Variants in ASAP3 observed in about 807,000 individuals in gnomAD.
ASAP3 encodes the protein arf-GAP with SH3 domain, ANK repeat and PH domain-containing protein 3.
A neutral mutation model predicts 118.2 loss-of-function variants in ASAP3; 85 were observed. The ratio of observed to expected loss-of-function variants is 0.72; its 90% confidence interval spans 0.60 to 0.86. ASAP3 has a LOEUF of 0.86. ASAP3 is among the 40% of genes least tolerant of loss of function. ASAP3 has a pLI of 0.00. For synonymous variants in ASAP3, 432 were observed against 477.4 expected (o/e 0.90, Z 1.24); for missense variants, 1,026 against 1,175.0 (o/e 0.87, Z 1.85).
rs1427117384 is a variant in ASAP3 at position 23,436,799 on chromosome 1, G to C, written c.1476+112C>G. The C allele has an allele frequency of 1.3e-6, 2 of 1,520,250 alleles. No individual in the cohort carries two copies. The highest frequency in any genetic ancestry group is 1.8e-6 in the Non-Finnish European group (2 of 1,125,754). 94.2% of individuals were successfully genotyped at this position (1,520,250 alleles called of 1,614,324 possible). On this transcript the variant is annotated intron_variant, in intron 15 of 24. Coordinates refer to ENST00000336689, the MANE Select transcript of ASAP3 (RefSeq NM_017707.4). The surrounding 1 kb of genome is among the most constrained non-coding windows in gnomAD (Gnocchi z 4.2). ...CCCCTGACCACCCGCTACCTGGCTTGTCCCAGCCCACCTCGGCCAGGTCCC... is the reference window on the plus strand; with the variant it reads ...CCCCTGACCACCCGCTACCTGGCTTCTCCCAGCCCACCTCGGCCAGGTCCC...
At chr1:23,471,105 C>T (rs372011169) in intron 1 of ASAP3, among the ~76,000 whole-genome samples, 5 of 152,360 alleles carry the variant, frequency 3.3e-5, no homozygotes, top group Admixed American at 2.0e-4. Context: ...CCCTGCCCCC[C>T]ACTTGGGCTT....
In ASAP3 at chr1:23,484,009, TC is replaced by T; in HGVS notation, c.124del (p.Glu42ArgfsTer14). 7.7e-7 allele frequency: 1 copy of T among 1,293,148 alleles called. No individual in the cohort carries two copies. The highest frequency in any genetic ancestry group is 9.8e-7 in the Non-Finnish European group (1 of 1,022,472). The allele number at this position is 1,293,148 out of a possible 1,614,324, so 80.1% of individuals were successfully genotyped here. A position where few individuals can be genotyped will look rare whatever the true frequency, so the allele number is the denominator to read the frequency against. ...PRYRGAALAR[E>X]EILEGDQAIL... The stretch of plus-strand genomic sequence containing the variant: ...CTCCCGCCTCGGCCCCCTCACCTCC[TC>T]CCGCGCCAGCGCCGCCCCTCGGTAC... On this transcript the variant is annotated frameshift_variant, in exon 1 of 25. Coordinates refer to ENST00000336689, the MANE Select transcript of ASAP3 (RefSeq NM_017707.4). LOFTEE classifies it high-confidence loss of function.
chr1:23,470,624 T>C (rs1323253314), intron 1 of ASAP3, among the ~76,000 whole-genome samples: 1 of 152,246 alleles, frequency 6.6e-6, no homozygotes, highest in African/African-American at 2.4e-5. Context: ...CTGTATGCTC[T>C]GACATTTATT....
Position 23,429,896 on chromosome 1 carries a change from C to T in ASAP3, c.2672G>A (p.Gly891Glu), listed in dbSNP as rs771244024. 3.7e-6 allele frequency: 6 copies of T among 1,613,816 alleles called. No homozygotes were observed. Among genetic ancestry groups the T allele is most frequent in the African/African-American group, 1.3e-5 (1 of 74,910 alleles). Reference protein sequence around the residue: ...GITEGDGSRTGSLPASSVQLL... With the variant: ...GITEGDGSRTESLPASSVQLL... The stretch of plus-strand genomic sequence containing the variant: ...TTGCACAGAACTTGCTGGGAGACTC[C>T]CAGTCCTTGAGCCATCTCCTTCAGT... Residue 891 changes from glycine (G) to glutamate (E), a missense_variant, in exon 25 of 25, where the codon GGG (glycine) becomes GAG (glutamate). Transcript: ENST00000336689.
chr1:23,467,900 C>T (rs995057759), intron 1 of ASAP3, among the ~76,000 whole-genome samples: 28 of 144,994 alleles, frequency 1.9e-4, no homozygotes, highest in African/African-American at 6.4e-4. Context: ...TGCAGTGAGC[C>T]GAGATCACGC....
Position 23,456,210 on chromosome 1 carries a change from G to A in ASAP3, c.130-16C>T. On this transcript the variant is annotated splice_polypyrimidine_tract_variant and intron_variant, in intron 1 of 24. Coordinates refer to ENST00000336689, the MANE Select transcript of ASAP3 (RefSeq NM_017707.4). Reference sequence around the variant, plus strand: ...CTTCCAAGATCTGGAAGCAAATGTGGACAGAGGTTCAGGGATGCCAAGCTG... The same window carrying A: ...CTTCCAAGATCTGGAAGCAAATGTGAACAGAGGTTCAGGGATGCCAAGCTG... 6.2e-7 allele frequency: 1 copy of A among 1,613,262 alleles called. No individual in the cohort carries two copies. Among genetic ancestry groups the A allele is most frequent in the South Asian group, 1.1e-5 (1 of 90,992 alleles).
intron 20 of ASAP3, 25 bp downstream of exon 20, chr1:23,433,601 G>A: frequency 2.5e-6 from 4 of 1,614,214 alleles, no homozygotes; most frequent in Admixed American, 1.7e-5. Flanking sequence ...AGAGTCAGGG[G>A]CCCCTTGCCT....
At chr1:23,462,116 C>T (rs1305436115) in intron 1 of ASAP3, among the ~76,000 whole-genome samples, 13 of 151,998 alleles carry the variant, frequency 8.6e-5, no homozygotes, top group Admixed American at 7.2e-4. Context: ...CTCTGCCTCC[C>T]GGGTTCACGC....
At position 23,431,831 on chromosome 1, in the gene ASAP3, C is replaced by T; in HGVS notation, c.2411G>A (p.Ser804Asn). 6.3e-7 allele frequency: 1 copy of T among 1,578,598 alleles called. No individual in the cohort carries two copies. Among genetic ancestry groups the T allele is most frequent in the Non-Finnish European group, 8.6e-7 (1 of 1,168,472 alleles). The change falls in exon 23 of 25, where the codon AGC (serine) becomes AAC (asparagine). Residue 804 changes from serine to asparagine, a missense_variant. By Grantham distance (46) the Ser-to-Asn change is conservative. Coordinates refer to ENST00000336689, the MANE Select transcript of ASAP3 (RefSeq NM_017707.4). ...GSPASSSSLM[S>N]PLEPGDPSQA... ...GCTGGGATCCCCAGGTTCCAAGGGG[C>T]TCATCAGACTGGAGGAGGAGGCTGG...
chr1:23,451,663 G>GC (rs1321236540), intron 4 of ASAP3, 135 bp from the exon 5 acceptor site: 13 of 939,564 alleles, frequency 1.4e-5, no homozygotes, highest in Middle Eastern at 2.9e-4. Context: ...ACCAGCCCCT[G>GC]CCCCCACAGT....
intron 1 of ASAP3, among the ~76,000 whole-genome samples, chr1:23,478,082 C>T (rs1417769850): frequency 6.6e-6 from 1 of 152,230 alleles, no homozygotes; most frequent in East Asian, 1.9e-4. Flanking sequence ...CTGGTCCACA[C>T]CGCCCAACAA....
rs1227382037 is a variant in ASAP3, at chr1:23,437,308, C to T, written c.1164G>A (p.Val388=). 1.2e-6 allele frequency: 2 copies of T among 1,610,118 alleles called. No homozygotes were observed. Among genetic ancestry groups the T allele is most frequent in the South Asian group, 2.2e-5 (2 of 90,618 alleles). Reference sequence around the variant, plus strand: ...GGGCTTCGTCCTTGCTGTTCTGCAACACTGACACCCACCTGCGGAGATTGA... The same window carrying T: ...GGGCTTCGTCCTTGCTGTTCTGCAATACTGACACCCACCTGCGGAGATTGA... ...DEHECEAWVS[V]LQNSKDEALS... Residue 388 remains valine (V), a synonymous_variant, in exon 14 of 25, where the codon GTG becomes GTA. Coordinates refer to ENST00000336689, the MANE Select transcript of ASAP3 (RefSeq NM_017707.4). This position sits in a 1 kb window ranked among gnomAD's most constrained non-coding sequence, Gnocchi z 6.1.
At chr1:23,447,934 A>G (rs1363627799) in intron 5 of ASAP3, among the ~76,000 whole-genome samples, 1 of 152,184 alleles carries the variant, frequency 6.6e-6, no homozygotes, top group Non-Finnish European at 1.5e-5. Context: ...TTTTCCCTAC[A>G]AAGTCTGACA....
intron 5 of ASAP3, among the ~76,000 whole-genome samples, chr1:23,445,251 A>T (rs903660999): frequency 3.9e-5 from 6 of 152,136 alleles, no homozygotes; most frequent in African/African-American, 1.4e-4. Flanking sequence ...GCACTTTGTG[A>T]GGCCAAGGTG....
intron 4 of ASAP3, among the ~76,000 whole-genome samples, chr1:23,451,754 C>G (rs958464065): frequency 6.6e-6 from 1 of 152,162 alleles, no homozygotes; most frequent in Non-Finnish European, 1.5e-5. Flanking sequence ...AGCAGACCTT[C>G]TCCTCCCCAG....
intron 17 of ASAP3, chr1:23,435,593 T>C: frequency 1.8e-6 from 1 of 555,260 alleles, no homozygotes; most frequent in Non-Finnish European, 3.2e-6. Context: ...GTGCTATTAT[T>C]AACCCCTTTT....
At chr1:23,451,630 G>A (rs1459480633) in intron 4 of ASAP3, 102 bp from the exon 5 acceptor site, 4 of 1,260,112 alleles carry the variant, frequency 3.2e-6, no homozygotes, top group African/African-American at 3.0e-5. Flanking sequence ...GTGCTCCCCT[G>A]AGCTGCTCAG....
At position 23,437,141 on chromosome 1, in the gene ASAP3, C is replaced by T; in HGVS notation, c.1331G>A (p.Cys444Tyr). 6.2e-7 allele frequency: 1 copy of T among 1,604,410 alleles called. No homozygotes were observed. The highest frequency in any genetic ancestry group is 1.1e-5 in the South Asian group (1 of 89,538). The change falls in exon 14 of 25, where the codon TGC becomes TAC. Residue 444 changes from cysteine (C) to tyrosine (Y), a missense_variant. Transcript: ENST00000336689. The surrounding 1 kb of genome is among the most constrained non-coding windows in gnomAD (Gnocchi z 6.1). ...CCCCGGGGACCGACCTGCAGCCCCGCAGTCGCAGCACTGGCTATTCCCAGG... is the reference window on the plus strand; with the variant it reads ...CCCCGGGGACCGACCTGCAGCCCCGTAGTCGCAGCACTGGCTATTCCCAGG... Reference protein sequence around the residue: ...SRPGNSQCCDCGAADPTWLST... With the variant: ...SRPGNSQCCDYGAADPTWLST...
rs954780767 is a variant in ASAP3 at position 23,438,707 on chromosome 1, G to C, written c.1102+40C>G. ...CTGACAGGTGTCTTAGAGAAGCCCTGAGCAGCTGTGGGTGGGGGAGAGGCA... is the reference window on the plus strand; with the variant it reads ...CTGACAGGTGTCTTAGAGAAGCCCTCAGCAGCTGTGGGTGGGGGAGAGGCA... On this transcript the variant is annotated intron_variant, in intron 12 of 24. Coordinates refer to ENST00000336689, the MANE Select transcript of ASAP3 (RefSeq NM_017707.4). The surrounding 1 kb of genome is among the most constrained non-coding windows in gnomAD (Gnocchi z 4.9). 1 of 1,592,318 alleles carries C rather than the reference G, an allele frequency of 6.3e-7. No homozygotes were observed. The highest frequency in any genetic ancestry group is 2.2e-5 in the East Asian group (1 of 44,722).
Sources: allele counts gnomAD v4.1 joint callset (sites outside exome capture counted in the v4.1 genomes callset), GRCh38; gene constraint gnomAD v4.1.1; non-coding constraint Gnocchi (gnomAD v3.1); transcripts MANE v1.5; gene names NCBI Gene and HGNC (gene_info 2026-07-23, HGNC 2026-07-21).